TRPM2: variants seen among roughly 807,000 people sequenced by gnomAD.
TRPM2 encodes estrogen-responsive element-associated gene 1 protein.
A neutral mutation model predicts 174.0 loss-of-function variants in TRPM2; 161 were observed. The ratio of observed to expected loss-of-function variants is 0.93; its 90% CI spans 0.81 to 1.05. TRPM2 has a LOEUF of 1.05. Among genes scored for constraint, TRPM2 ranks in the 50% least tolerant of loss-of-function variants. TRPM2 has a pLI of 0.00. For synonymous variants in TRPM2, 954 were observed against 861.3 expected (o/e 1.11, Z -1.88); for missense variants, 2,057 against 2,038.0 (o/e 1.01, Z -0.18).
At chr21:44,388,930 A>C (rs1330222862) in intron 9 of TRPM2, among the ~76,000 whole-genome samples, 2 of 152,340 alleles carry the variant, frequency 1.3e-5, no homozygotes, top group South Asian at 2.1e-4. Context: ...ATTTTAAAAT[A>C]TCAACTTTAT....
Position 44,437,136 on chromosome 21 carries a change from T to C in TRPM2, c.4136T>C (p.Leu1379Pro). Reference sequence around the variant, plus strand: ...ATGCTGGAAGTGCTGGTGGTGAAGCTCCCTCTCTCCGAGCACTGGGCCCTG... The same window carrying C: ...ATGCTGGAAGTGCTGGTGGTGAAGCCCCCTCTCTCCGAGCACTGGGCCCTG... ...KKMLEVLVVK[L>P]PLSEHWALPG... is the part of the protein sequence containing the mutation. The change falls in exon 29 of 32, where the codon CTC becomes CCC. Residue 1379 changes from leucine (L) to proline (P), a missense_variant. Physicochemically the swap from Leu to Pro is moderately conservative, Grantham distance 98. Transcript: ENST00000397928. 6.4e-7 allele frequency: 1 copy of C among 1,551,282 alleles called. No homozygotes were observed. The highest frequency in any genetic ancestry group is 8.7e-7 in the Non-Finnish European group (1 of 1,146,862).
At chr21:44,434,502 C>T (rs1466392967) in intron 27 of TRPM2, among the ~76,000 whole-genome samples, 8 of 152,038 alleles carry the variant, frequency 5.3e-5, no homozygotes, top group Admixed American at 3.3e-4. Flanking sequence ...ACGATAGCGG[C>T]AGTGCATTTC....
In TRPM2 at chr21:44,403,449, G is replaced by A. The variant is rs138057242; in HGVS notation, c.2538+1552G>A. Among the ~76,000 whole-genome samples the A allele has an allele frequency of 2.8e-3, 428 of 152,238 alleles. 1 individual carries two copies. The highest frequency in any genetic ancestry group is 0.02 in the East Asian group (102 of 5,190). ...GCAGCTGGCGCCTGACATTGAGGGC[G>A]CTGCTCCAACACACACACACATGCA... On this transcript the variant is annotated intron_variant, in intron 16 of 31. Transcript: ENST00000397928.
At chr21:44,422,278 T>C in intron 22 of TRPM2, 1 of 1,536,010 alleles carries the variant, frequency 6.5e-7, no homozygotes, top group East Asian at 2.4e-5. Flanking sequence ...AGGGCAGGGC[T>C]GGAGCTTTGG....
At chr21:44,428,102 T>C (rs926796646) in intron 27 of TRPM2, among the ~76,000 whole-genome samples, 2 of 152,158 alleles carry the variant, frequency 1.3e-5, no homozygotes, top group African/African-American at 2.4e-5. Context: ...AGAAGAGCAC[T>C]TTCTGTATGC....
chr21:44,426,965 A>C (rs2050812797), intron 26 of TRPM2, 45 bp from the exon 27 acceptor site: 19 of 1,537,952 alleles, frequency 1.2e-5, no homozygotes, highest in Non-Finnish European at 1.7e-5. Flanking sequence ...GCTCTGTCCC[A>C]CCTGCAACAC....
Position 44,364,226 on chromosome 21 carries a change from C to G in TRPM2, c.367C>G (p.Pro123Ala). Residue 123 changes from proline to alanine, a missense_variant, in exon 3 of 32, where the codon CCA becomes GCA. Pro to Ala is a conservative substitution (Grantham distance 27). Transcript: ENST00000397928. ...WDPKKHVQEM[P>A]TDAFGDIVFT... ...CCCAAAGAAACATGTCCAGGAGATG[C>G]CAACCGATGCCTTTGGCGACATCGT... 6.2e-7 allele frequency: 1 copy of G among 1,614,226 alleles called. No homozygotes were observed. Among genetic ancestry groups the G allele is most frequent in the Non-Finnish European group, 8.5e-7 (1 of 1,180,044 alleles).
intron 22 of TRPM2, chr21:44,423,308 C>T (rs2050618448): frequency 9.2e-6 from 3 of 327,076 alleles, no homozygotes; most frequent in African/African-American, 4.2e-5. Context: ...CAAAACCAAC[C>T]TCTGCTGTGC....
At chr21:44,368,182 C>T (rs560165689) in intron 4 of TRPM2, among the ~76,000 whole-genome samples, 19 of 151,818 alleles carry the variant, frequency 1.3e-4, no homozygotes, top group Admixed American at 4.6e-4. Context: ...TGCAGTAGCA[C>T]GATCTCAGCT....
In TRPM2 at chr21:44,440,831, G is replaced by T. The variant is rs45578242; in HGVS notation, c.4312G>T (p.Ala1438Ser). ...GGATGACCCGAGGAACACGGACAAT[G>T]CCTGGATCGAGACGGTGGCCGTCAG... ...YMDDPRNTDN[A>S]WIETVAVSVH... Residue 1438 changes from alanine to serine, a missense_variant, in exon 31 of 32, where the codon GCC (alanine) becomes TCC (serine). Transcript: ENST00000397928. 1.4e-4 allele frequency: 225 copies of T among 1,613,870 alleles called. No individual in the cohort carries two copies. Among genetic ancestry groups the T allele is most frequent in the Middle Eastern group, 6.6e-4 (4 of 6,084 alleles).
At chr21:44,426,561 C>G in intron 25 of TRPM2, 99 bp from the exon 26 acceptor site, 5 of 1,232,564 alleles carry the variant, frequency 4.1e-6, no homozygotes, top group Middle Eastern at 2.0e-4. Flanking sequence ...ATGTTGGGGT[C>G]GGGTTCAGAC....
At chr21:44,421,189 G>A (rs544561660) in intron 22 of TRPM2, among the ~76,000 whole-genome samples, 65 of 152,218 alleles carry the variant, frequency 4.3e-4, no homozygotes, top group African/African-American at 1.5e-3. Flanking sequence ...GTGGTGGCGT[G>A]CGCTTGTAAT....
At chr21:44,422,659 T>C (rs1405054994) in intron 22 of TRPM2, among the ~76,000 whole-genome samples, 13 of 152,146 alleles carry the variant, frequency 8.5e-5, no homozygotes, top group African/African-American at 3.1e-4. Context: ...GGATGAGAGC[T>C]GGAGACTCGG....
intron 8 of TRPM2, among the ~76,000 whole-genome samples, chr21:44,381,506 T>G (rs1206644647): frequency 0.044 from 50 of 1,140 alleles, no homozygotes; most frequent in African/African-American, 0.12. Flanking sequence ...GGTGGGTGGG[T>G]GGGTGGGCCA....
intron 17 of TRPM2, 116 bp from the exon 18 acceptor site, chr21:44,405,789 G>A (rs755589053): frequency 9.3e-6 from 12 of 1,291,114 alleles, no homozygotes; most frequent in Middle Eastern, 2.1e-4. Context: ...GCCCACCAGA[G>A]CCCTTTGCCT....
At position 44,403,432 on chromosome 21, in the gene TRPM2, C is replaced by T. The variant is rs532325682; in HGVS notation, c.2538+1535C>T. ...AAGATCCTTGTGGGAAGGCAGCTGGCGCCTGACATTGAGGGCGCTGCTCCA... is the reference window on the plus strand; with the variant it reads ...AAGATCCTTGTGGGAAGGCAGCTGGTGCCTGACATTGAGGGCGCTGCTCCA... On this transcript the variant is annotated intron_variant, in intron 16 of 31. Transcript: ENST00000397928. Among the ~76,000 whole-genome samples, 86 of 152,290 alleles carry T rather than the reference C, an allele frequency of 5.6e-4. 1 individual carries two copies. Among genetic ancestry groups the T allele is most frequent in the Middle Eastern group, 3.4e-3 (1 of 294 alleles).
chr21:44,382,927 C>A, intron 9 of TRPM2, 107 bp downstream of exon 9: 1 of 1,186,882 alleles, frequency 8.4e-7, no homozygotes, highest in Non-Finnish European at 1.2e-6. Flanking sequence ...CCAGAATATT[C>A]CTCCTTGGTC....
At chr21:44,434,622 G>A (rs911082582) in intron 27 of TRPM2, among the ~76,000 whole-genome samples, 25 of 152,232 alleles carry the variant, frequency 1.6e-4, no homozygotes, top group African/African-American at 5.8e-4. Flanking sequence ...CATGGGAAGC[G>A]TCTGTGGCTC....
At chr21:44,435,068 C>A in intron 27 of TRPM2, 63 bp from the exon 28 acceptor site, 2 of 1,542,488 alleles carry the variant, frequency 1.3e-6, no homozygotes, top group Admixed American at 1.7e-5. Flanking sequence ...CAGTCCCCCT[C>A]CCTGCCCTGT....
Sources: allele counts gnomAD v4.1 joint callset (sites outside exome capture counted in the v4.1 genomes callset), GRCh38; gene constraint gnomAD v4.1.1; transcripts MANE v1.5; gene names NCBI Gene and HGNC (gene_info 2026-07-23, HGNC 2026-07-21).